Variants in DSCAML1 observed in about 807,000 individuals in gnomAD.
DSCAML1 encodes DS cell adhesion molecule like 1.
DSCAML1 carries 38 observed loss-of-function variants against 200.5 expected under a neutral mutation model. The ratio of observed to expected loss-of-function variants is 0.19; its 90% CI spans 0.15 to 0.25. DSCAML1 has a LOEUF of 0.25. Among genes scored for constraint, DSCAML1 ranks in the 10% least tolerant of loss-of-function variants. DSCAML1 has a pLI of 1.00. For synonymous variants in DSCAML1, 1,215 were observed against 1,165.0 expected (o/e 1.04, Z -0.87); for missense variants, 2,223 against 2,858.8 (o/e 0.78, Z 5.07).
chr11:117,464,136 G>A (rs2048533297), intron 17 of DSCAML1, among the ~76,000 whole-genome samples: 2 of 152,146 alleles, frequency 1.3e-5, no homozygotes, highest in South Asian at 4.1e-4. Flanking sequence ...CTGTTGGGGC[G>A]GGGTGGGTAG....
At chr11:117,581,358 A>C (rs1565804434) in intron 3 of DSCAML1, among the ~76,000 whole-genome samples, 1 of 152,170 alleles carries the variant, frequency 6.6e-6, no homozygotes, top group African/African-American at 2.4e-5. Context: ...CACCCATTTT[A>C]GTGTACAATT....
At chr11:117,634,588 T>C (rs1290708631) in intron 3 of DSCAML1, among the ~76,000 whole-genome samples, 2 of 152,192 alleles carry the variant, frequency 1.3e-5, no homozygotes, top group African/African-American at 4.8e-5. Context: ...CTGTGCTGCC[T>C]GGAATTTGCA....
chr11:117,603,680 G>A (rs2051508675), intron 3 of DSCAML1, among the ~76,000 whole-genome samples: 1 of 152,198 alleles, frequency 6.6e-6, no homozygotes. Flanking sequence ...TCAAAAAGGG[G>A]AGATCAATTC....
intron 3 of DSCAML1, among the ~76,000 whole-genome samples, chr11:117,612,320 A>G (rs1476145424): frequency 6.6e-6 from 1 of 152,194 alleles, no homozygotes; most frequent in Non-Finnish European, 1.5e-5. Context: ...GCCGGAACCC[A>G]GGCAACATCA....
chr11:117,575,743 G>A (rs999286083), intron 3 of DSCAML1, among the ~76,000 whole-genome samples: 1 of 152,008 alleles, frequency 6.6e-6, no homozygotes, highest in Non-Finnish European at 1.5e-5. Context: ...GAGGTGGGAG[G>A]ATCACTCAAA....
At chr11:117,430,304 C>T (rs1044394590) in intron 32 of DSCAML1, among the ~76,000 whole-genome samples, 1 of 152,136 alleles carries the variant, frequency 6.6e-6, no homozygotes, top group African/African-American at 2.4e-5. Context: ...GACCAGAGGC[C>T]CTTGGGCAGC....
chr11:117,815,604 T>C (rs532584567), intron 1 of DSCAML1, among the ~76,000 whole-genome samples: 5 of 152,154 alleles, frequency 3.3e-5, no homozygotes, highest in Middle Eastern at 3.4e-3. Flanking sequence ...TTTAGACATC[T>C]AGAGACAGTA....
intron 3 of DSCAML1, among the ~76,000 whole-genome samples, chr11:117,723,255 C>T (rs2054069839): frequency 6.6e-6 from 1 of 152,212 alleles, no homozygotes; most frequent in Non-Finnish European, 1.5e-5. Flanking sequence ...TCCTCTATAT[C>T]TGCACCAAAG....
At chr11:117,668,751 G>C (rs922477396) in intron 3 of DSCAML1, 1 of 152,284 alleles carries the variant, frequency 6.6e-6, no homozygotes, top group Non-Finnish European at 1.5e-5. Context: ...GGCTGTTCCT[G>C]CTGCTTCAAA....
intron 3 of DSCAML1, among the ~76,000 whole-genome samples, chr11:117,723,677 C>CA (rs1172018404): frequency 2.6e-5 from 4 of 152,204 alleles, no homozygotes; most frequent in Non-Finnish European, 5.9e-5. Context: ...TTGACTGCAG[C>CA]AGTCCCCTGT....
At position 117,437,099 on chromosome 11, in the gene DSCAML1, T is replaced by A. The variant is rs772022255; in HGVS notation, c.4720+23A>T. On this transcript the variant is annotated intron_variant, in intron 26 of 32. Coordinates refer to ENST00000651296, the MANE Select transcript of DSCAML1 (RefSeq NM_020693.4). This position sits in a 1 kb window ranked among gnomAD's most constrained non-coding sequence, Gnocchi z 5.3. Reference sequence around the variant, plus strand: ...CCACCCTGCTCCAGCCTCTGTACCATCCCTTCCACCCTTGCGACTCACTGC... The same window carrying A: ...CCACCCTGCTCCAGCCTCTGTACCAACCCTTCCACCCTTGCGACTCACTGC... The A allele has an allele frequency of 8.1e-6, 13 of 1,603,460 alleles. No homozygotes were observed. The East Asian group carries it at 1.3e-4, about 17-fold the overall frequency.
In DSCAML1 at chr11:117,448,900, ACAGGAATGTTCACAGCAGCAC is replaced by A. The variant is rs141461508; in HGVS notation, c.3708+1628_3708+1648del. 9.0e-3 allele frequency among the ~76,000 whole-genome samples: 1,367 copies of A among 152,330 alleles called. 9 individuals carry two copies. Among genetic ancestry groups the A allele is most frequent in the Non-Finnish European group, 0.014 (953 of 68,022 alleles). On this transcript the variant is annotated intron_variant, in intron 20 of 32. Transcript: ENST00000651296. ...TGCCCATGAGCACCCAGAGACACAT[ACAGGAATGTTCACAGCAGCAC>A]CATTTGAAGAGTTCCAAACTGAAAA... is the stretch of plus-strand genomic sequence containing the variant.
chr11:117,624,575 T>C (rs2052004477), intron 3 of DSCAML1, among the ~76,000 whole-genome samples: 1 of 152,124 alleles, frequency 6.6e-6, no homozygotes, highest in Non-Finnish European at 1.5e-5. Flanking sequence ...TTTATTATGA[T>C]AGGCACTCAC....
chr11:117,555,975 T>G (rs2050552722), intron 3 of DSCAML1, among the ~76,000 whole-genome samples: 1 of 149,854 alleles, frequency 6.7e-6, no homozygotes, highest in African/African-American at 2.5e-5. Context: ...GAAGAGAAGG[T>G]GGAGGAGGAG....
intron 3 of DSCAML1, among the ~76,000 whole-genome samples, chr11:117,623,216 C>CTTTTTTTTTT (rs56343852): frequency 5.8e-5 from 7 of 121,112 alleles, no homozygotes; most frequent in Non-Finnish European, 9.9e-5. Flanking sequence ...CTTTTCTTTT[C>CTTTTTTTTTT]TTTTTTTTTT....
At position 117,437,302 on chromosome 11, in the gene DSCAML1, C is replaced by T. The variant is rs542233373; in HGVS notation, c.4540G>A (p.Val1514Ile). The change falls in exon 26 of 33, where the codon GTT (valine) becomes ATT (isoleucine). Residue 1514 changes from valine (V) to isoleucine (I), a missense_variant. Physicochemically the swap from Val to Ile is conservative, Grantham distance 29. Coordinates refer to ENST00000651296, the MANE Select transcript of DSCAML1 (RefSeq NM_020693.4). This position sits in a 1 kb window ranked among gnomAD's most constrained non-coding sequence, Gnocchi z 5.3. ...NNGGCPITAI[V>I]LEYRPKGTWA... Reference sequence around the variant, plus strand: ...GTCCCCTTGGGCCGGTACTCCAGAACGATGGCTGTGATAGGGCAGCCCCCA... The same window carrying T: ...GTCCCCTTGGGCCGGTACTCCAGAATGATGGCTGTGATAGGGCAGCCCCCA... The T allele has an allele frequency of 1.4e-5, 23 of 1,614,264 alleles. 1 individual carries two copies. In the Middle Eastern group the frequency reaches 4.9e-4, roughly 35 times the overall value.
rs56343852 is a variant in DSCAML1 at position 117,623,216 on chromosome 11, C to CTTTT, written c.512-90698_512-90695dup. 4.1e-3 allele frequency among the ~76,000 whole-genome samples: 497 copies of CTTTT among 121,080 alleles called. 12 individuals carry two copies. The highest frequency in any genetic ancestry group is 0.014 in the African/African-American group (443 of 32,232). The allele number at this position is 121,080 out of a possible 152,430, so 79.4% of individuals were successfully genotyped here. ...TTTTTTTTCTTTTTTCTTTTCTTTT[C>CTTTT]TTTTTTTTTTTTTTTTTGAGACAGA... On this transcript the variant is annotated intron_variant, in intron 3 of 32. Coordinates refer to ENST00000651296, the MANE Select transcript of DSCAML1 (RefSeq NM_020693.4).
At chr11:117,634,489 G>A (rs948472074) in intron 3 of DSCAML1, among the ~76,000 whole-genome samples, 1 of 152,204 alleles carries the variant, frequency 6.6e-6, no homozygotes, top group African/African-American at 2.4e-5. Context: ...GAAGCTTTAG[G>A]GGGCCAGGCA....
At chr11:117,802,261 C>T (rs565181243), upstream of DSCAML1, among the ~76,000 whole-genome samples, 1 of 152,132 alleles carries the variant, frequency 6.6e-6, no homozygotes, top group Non-Finnish European at 1.5e-5. Context: ...GGTCAGGCAC[C>T]CCCAGTTTTC....
Sources: allele counts gnomAD v4.1 joint callset (sites outside exome capture counted in the v4.1 genomes callset), GRCh38; gene constraint gnomAD v4.1.1; non-coding constraint Gnocchi (gnomAD v3.1); transcripts MANE v1.5; gene names NCBI Gene and HGNC (gene_info 2026-07-23, HGNC 2026-07-21).